Variants in LRP4 observed in about 807,000 individuals in gnomAD.
LRP4 encodes LDL receptor related protein 4.
A neutral mutation model predicts 220.3 loss-of-function variants in LRP4; 95 were observed. The ratio of observed to expected loss-of-function variants is 0.43; its 90% CI spans 0.37 to 0.51. LRP4 has a LOEUF of 0.51. Ranked by LOEUF, LRP4 falls within the 20% of genes least tolerant of loss-of-function variation. LRP4 has a pLI of 0.00. For synonymous variants in LRP4, 903 were observed against 954.6 expected, an observed-to-expected ratio of 0.95 and a Z score of 1.00; for missense variants, 1,925 against 2,567.0, an observed-to-expected ratio of 0.75 and a Z score of 5.40.
chr11:46,873,554 G>A lies in LRP4; in HGVS notation c.4269C>T (p.Ile1423=), dbSNP rs952249452. The A allele has an allele frequency of 9.3e-6, 15 of 1,613,778 alleles. No individual in the cohort carries two copies. Among genetic ancestry groups the A allele is most frequent in the African/African-American group, 6.7e-5 (5 of 74,914 alleles). The part of the protein sequence containing the change: ...DLNGSNMETV[I]GRGLKTTDGL... ...CGTCAGTGGTCTTCAGCCCTCGCCC[G>A]ATCACTGTCTCCATGTTGCTGCCGT... The change falls in exon 29 of 38, where the codon ATC becomes ATT. Residue 1423 remains isoleucine (I), a synonymous_variant. Coordinates refer to ENST00000378623, the MANE Select transcript of LRP4 (RefSeq NM_002334.4). This position sits in a 1 kb window ranked among gnomAD's most constrained non-coding sequence, Gnocchi z 4.2.
In LRP4 at chr11:46,890,813, C is replaced by CA. The variant is rs979983532; in HGVS notation, c.1698-320dup. On this transcript the variant is annotated intron_variant, in intron 13 of 37. Transcript: ENST00000378623. The surrounding 1 kb of genome is among the most constrained non-coding windows in gnomAD (Gnocchi z 5.3). ...CTTGCTATGTTACCCAAGCTGGTCTCAAACTCCTGAGCTCAAGCAATCCTC... is the reference window on the plus strand; with the variant it reads ...CTTGCTATGTTACCCAAGCTGGTCTCAAAACTCCTGAGCTCAAGCAATCCTC... Among the ~76,000 whole-genome samples the CA allele has an allele frequency of 2.0e-5, 3 of 152,056 alleles. No homozygotes were observed. The highest frequency in any genetic ancestry group is 7.2e-5 in the African/African-American group (3 of 41,392).
chr11:46,909,610 T>C (rs1411908377), intron 1 of LRP4, among the ~76,000 whole-genome samples: 1 of 894 alleles, frequency 1.1e-3, no homozygotes, highest in East Asian at 0.01. Context: ...AGACTCCGTC[T>C]CAAAAAAAAA....
At chr11:46,862,910 G>A in intron 36 of LRP4, 163 bp from the exon 37 acceptor site, 3 of 665,752 alleles carry the variant, frequency 4.5e-6, no homozygotes, top group Admixed American at 4.7e-5. Flanking sequence ...AGTGTGGACT[G>A]TTCTGGTGAC....
At position 46,890,423 on chromosome 11, in the gene LRP4, C is replaced by T. The variant is rs149435615; in HGVS notation, c.1769G>A (p.Arg590His). The change falls in exon 14 of 38, where the codon CGC becomes CAC. Residue 590 changes from arginine (R) to histidine (H), a missense_variant. By Grantham distance (29) the Arg-to-His change is conservative (BLOSUM62 0). Coordinates refer to ENST00000378623, the MANE Select transcript of LRP4 (RefSeq NM_002334.4). This position sits in a 1 kb window ranked among gnomAD's most constrained non-coding sequence, Gnocchi z 5.3. ...GAAGAGATGGGTATCGGCAATGATG[C>T]GGCGTCCAGAGCCATCCATGCTGGA... ...EASSMDGSGR[R>H]IIADTHLFWP... 337 of 1,613,942 alleles carry T rather than the reference C, an allele frequency of 2.1e-4. No individual in the cohort carries two copies. Among genetic ancestry groups the T allele is most frequent in the Non-Finnish European group, 2.5e-4 (299 of 1,180,002 alleles).
chr11:46,898,782 A>C, intron 6 of LRP4, 105 bp from the exon 7 acceptor site: 1 of 1,604,650 alleles, frequency 6.2e-7, no homozygotes, highest in Non-Finnish European at 8.5e-7. Flanking sequence ...TCTTCCCAAG[A>C]GGGACCAGAA....
rs900207164 is a variant in LRP4 at position 46,858,786 on chromosome 11, T to C, written c.*197A>G. On this transcript the variant is annotated 3_prime_UTR_variant, in exon 38 of 38. Coordinates refer to ENST00000378623, the MANE Select transcript of LRP4 (RefSeq NM_002334.4). ...AAAATCCAGGTCTAAATTCTCGTGA[T>C]GTGCCATCATTTCTTGTGCACAGGT... 4.7e-6 allele frequency: 3 copies of C among 641,672 alleles called. No homozygotes were observed. In the African/African-American group the frequency reaches 5.4e-5, roughly 12 times the overall value. 39.7% of individuals were successfully genotyped at this position (641,672 alleles called of 1,614,324 possible).
At position 46,886,155 on chromosome 11, in the gene LRP4, A is replaced by G. The variant is rs2134827694; in HGVS notation, c.2442T>C (p.Ser814=). ...GTGQEVVVDT[S]LESPAGLAID... is the part of the protein sequence containing the mutation. Reference sequence around the variant, plus strand: ...TGGCCAGGCCAGCTGGGCTCTCCAAACTGGTATCCACTACCACCTGGGCAG... The same window carrying G: ...TGGCCAGGCCAGCTGGGCTCTCCAAGCTGGTATCCACTACCACCTGGGCAG... Residue 814 remains serine, a synonymous_variant, in exon 18 of 38, where the codon AGT becomes AGC. Transcript: ENST00000378623. 2 of 1,614,122 alleles carry G rather than the reference A, an allele frequency of 1.2e-6. No homozygotes were observed. The highest frequency in any genetic ancestry group is 1.7e-6 in the Non-Finnish European group (2 of 1,179,994).
chr11:46,885,929 A>T (rs1941281440), intron 18 of LRP4, among the ~76,000 whole-genome samples, 162 bp downstream of exon 18: 2 of 152,352 alleles, frequency 1.3e-5, no homozygotes, highest in South Asian at 4.1e-4. Flanking sequence ...GGAGCTTCTC[A>T]CTTCGGCTCT....
intron 15 of LRP4, 129 bp downstream of exon 15, chr11:46,889,815 T>C (rs1941381675): frequency 1.9e-6 from 2 of 1,073,132 alleles, no homozygotes; most frequent in Non-Finnish European, 2.8e-6. Context: ...AATTAGCCCA[T>C]GTCAGTGCCC....
Position 46,879,331 on chromosome 11 carries a change from C to G in LRP4, c.2815-16G>C. On this transcript the variant is annotated splice_polypyrimidine_tract_variant and intron_variant, in intron 20 of 37. Transcript: ENST00000378623. ...CAATCAGCACCTGCCAGGGCCCCAA[C>G]ACTGTGTCATCTTCAACAAAGTCTG... 6.2e-7 allele frequency: 1 copy of G among 1,613,652 alleles called. No individual in the cohort carries two copies. Among genetic ancestry groups the G allele is most frequent in the Non-Finnish European group, 8.5e-7 (1 of 1,179,946 alleles).
In LRP4 at chr11:46,894,642, T is replaced by A. The variant is rs746759136; in HGVS notation, c.1487A>T (p.Asn496Ile). ...CTCCTCCACGTTGCTGCCGTTGAGG[T>A]TGGCACGGAGGATCCGGTCCAGGGT... ...DVTLDRILRA[N>I]LNGSNVEEVV... Residue 496 changes from asparagine to isoleucine, a missense_variant, in exon 12 of 38, where the codon AAC (asparagine) becomes ATC (isoleucine). Physicochemically the swap from Asn to Ile is moderately radical, Grantham distance 149. Around this residue, in one of 3 missense-constraint regions of LRP4, gnomAD observed 269 missense variants for 436.7 expected, o/e 0.62. Coordinates refer to ENST00000378623, the MANE Select transcript of LRP4 (RefSeq NM_002334.4). 2 of 1,614,012 alleles carry A rather than the reference T, an allele frequency of 1.2e-6. No homozygotes were observed. The highest frequency in any genetic ancestry group is 2.2e-5 in the South Asian group (2 of 91,046).
In LRP4 at chr11:46,862,598, A is replaced by G. The variant is rs1940586705; in HGVS notation, c.5385+8T>C. ...AAAAGACCCTTGAATATAAATTTCAATTTTTACCTCTTTCTTATAGCACAG... is the reference window on the plus strand; with the variant it reads ...AAAAGACCCTTGAATATAAATTTCAGTTTTTACCTCTTTCTTATAGCACAG... On this transcript the variant is annotated splice_region_variant and intron_variant, in intron 37 of 37. Coordinates refer to ENST00000378623, the MANE Select transcript of LRP4 (RefSeq NM_002334.4). The G allele has an allele frequency of 6.2e-7, 1 of 1,613,988 alleles. No individual in the cohort carries two copies. The highest frequency in any genetic ancestry group is 1.3e-5 in the African/African-American group (1 of 75,000).
Position 46,890,201 on chromosome 11 carries a change from C to T in LRP4, c.1915+76G>A, listed in dbSNP as rs1941388432. The T allele has an allele frequency of 5.0e-6, 8 of 1,607,112 alleles. No individual in the cohort carries two copies. Among genetic ancestry groups the T allele is most frequent in the Non-Finnish European group, 6.0e-6 (7 of 1,173,952 alleles). Reference sequence around the variant, plus strand: ...CCCAGGCCTGGCAACTACACAAAACCTCTACCAAGGCTCCTGGGGGGCAGG... The same window carrying T: ...CCCAGGCCTGGCAACTACACAAAACTTCTACCAAGGCTCCTGGGGGGCAGG... On this transcript the variant is annotated intron_variant, in intron 14 of 37. Transcript: ENST00000378623. This position sits in a 1 kb window ranked among gnomAD's most constrained non-coding sequence, Gnocchi z 5.3.
At chr11:46,897,841 C>T (rs1219496095) in intron 7 of LRP4, among the ~76,000 whole-genome samples, 1 of 152,226 alleles carries the variant, frequency 6.6e-6, no homozygotes, top group Non-Finnish European at 1.5e-5. Flanking sequence ...CTTTCTATTC[C>T]ACAAAACCGC....
intron 34 of LRP4, among the ~76,000 whole-genome samples, chr11:46,866,437 A>G (rs1041474076): frequency 3.3e-5 from 5 of 149,546 alleles, no homozygotes; most frequent in African/African-American, 1.0e-4. Flanking sequence ...ATGGGCCACC[A>G]TGCCTGGCTA....
chr11:46,861,238 ACC>A (rs1940537987), intron 37 of LRP4, among the ~76,000 whole-genome samples: 2 of 152,080 alleles, frequency 1.3e-5, no homozygotes, highest in South Asian at 4.1e-4. Context: ...TTTTTCAAAC[ACC>A]AACTTGAACC....
chr11:46,903,290 T>C (rs1388002897), intron 1 of LRP4, among the ~76,000 whole-genome samples: 1 of 152,118 alleles, frequency 6.6e-6, no homozygotes, highest in Admixed American at 6.6e-5. Flanking sequence ...GCTCAGAAGT[T>C]CAAGACCATC....
intron 32 of LRP4, 118 bp from the exon 33 acceptor site, chr11:46,868,831 G>C: frequency 8.0e-7 from 1 of 1,250,806 alleles, no homozygotes; most frequent in Non-Finnish European, 1.2e-6. Context: ...GGGAGGAGGA[G>C]AGATACAACC....
chr11:46,861,163 C>A (rs1940535663), intron 37 of LRP4, among the ~76,000 whole-genome samples: 1 of 152,114 alleles, frequency 6.6e-6, no homozygotes, highest in Non-Finnish European at 1.5e-5. Context: ...GAACTACAAG[C>A]CATCCCTGCA....
Sources: gnomAD v4.1 joint callset for allele counts (sites outside exome capture counted in the v4.1 genomes callset) on GRCh38, gnomAD v4.1.1 for gene constraint, gnomAD v4.1.1 regional missense constraint, Gnocchi (gnomAD v3.1) non-coding constraint, MANE v1.5 for transcripts, NCBI Gene and HGNC (gene_info 2026-07-23, HGNC 2026-07-21) for gene names.